Variants in TARS3 observed in about 807,000 individuals in gnomAD.
TARS3 encodes the protein threonyl-tRNA synthetase 3, also known as threonine--tRNA ligase 2, cytoplasmic.
A neutral mutation model predicts 103.5 loss-of-function variants in TARS3; 94 were observed. That is an observed-to-expected ratio of 0.91 (90% CI 0.77 to 1.08). The LOEUF is 1.08. Ranked by LOEUF, TARS3 falls within the 50% of genes least tolerant of loss-of-function variation. The probability of loss-of-function intolerance (pLI) is 0.00; values close to 1 mark genes in which losing one functional copy is unlikely to be tolerated. For synonymous variants in TARS3, 416 were observed against 355.4 expected, an observed-to-expected ratio of 1.17 and a Z score of -1.92; for missense variants, 952 against 995.2, an observed-to-expected ratio of 0.96 and a Z score of 0.58.
chr15:101,700,367 G>A (rs1286379658), intron 10 of TARS3, among the ~76,000 whole-genome samples: 1 of 152,188 alleles, frequency 6.6e-6, no homozygotes, highest in African/African-American at 2.4e-5. Flanking sequence ...AATCACCTGG[G>A]AGTCATGCTA....
chr15:101,715,285 T>C (rs1332611704), intron 3 of TARS3, among the ~76,000 whole-genome samples: 4 of 150,480 alleles, frequency 2.7e-5, no homozygotes, highest in South Asian at 2.1e-4. Flanking sequence ...TAGCTGGGAC[T>C]ACAGGCGCCC....
chr15:101,655,898 T>G, intron 18 of TARS3: 1 of 1,288,930 alleles, frequency 7.8e-7, no homozygotes, highest in Non-Finnish European at 1.0e-6. Flanking sequence ...ACCAGACCCA[T>G]GCGAGCCAGC....
chr15:101,716,205 TG>T (rs1189254017), intron 3 of TARS3, among the ~76,000 whole-genome samples: 1 of 152,158 alleles, frequency 6.6e-6, no homozygotes, highest in Admixed American at 6.5e-5. Context: ...TTAGTAGAGA[TG>T]GGGTTTCACC....
intron 10 of TARS3, chr15:101,699,330 C>T: frequency 2.2e-6 from 1 of 452,360 alleles, no homozygotes; most frequent in Admixed American, 2.4e-5. Flanking sequence ...AGTGCCCTTA[C>T]CTTAGAATAA....
Position 101,724,134 on chromosome 15 carries a change from A to G in TARS3, c.254T>C (p.Leu85Pro). The G allele has an allele frequency of 7.0e-7, 1 of 1,438,820 alleles. No homozygotes were observed. Among genetic ancestry groups the G allele is most frequent in the Non-Finnish European group, 9.1e-7 (1 of 1,096,214 alleles). The allele number at this position is 1,438,820 out of a possible 1,614,324, so 89.1% of individuals were successfully genotyped here. ...LAEERSRQAT[L>P]ESAELEAAQE... ...CGCCGCCTCTAGCTCCGCGCTCTCC[A>G]GCGTGGCCTGGCGGCTCCGCTCCTC... Residue 85 changes from leucine to proline, a missense_variant, in exon 1 of 19, where the codon CTG becomes CCG. Around this residue, in one of 2 missense-constraint regions of TARS3, gnomAD observed 412 missense variants for 364.2 expected, o/e 1.13. Transcript: ENST00000335968.
intron 10 of TARS3, among the ~76,000 whole-genome samples, chr15:101,692,304 C>T (rs1056937667): frequency 1.3e-5 from 2 of 149,330 alleles, no homozygotes; most frequent in Non-Finnish European, 3.0e-5. Flanking sequence ...TATTACTACT[C>T]CATCTCCTCA....
chr15:101,654,807 G>A, intron 18 of TARS3, 77 bp from the exon 19 acceptor site: 1 of 1,397,758 alleles, frequency 7.2e-7, no homozygotes, highest in Non-Finnish European at 9.8e-7. Context: ...CCCATGACAT[G>A]TTTTTATCAA....
At chr15:101,685,745 A>G (rs1267093917) in intron 11 of TARS3, 151 bp downstream of exon 11, 5 of 559,694 alleles carry the variant, frequency 8.9e-6, no homozygotes, top group South Asian at 5.1e-5. Flanking sequence ...AAGTAAATCC[A>G]TTCTCCGGAA....
At chr15:101,722,409 G>A (rs556907172) in intron 2 of TARS3, among the ~76,000 whole-genome samples, 1 of 150,220 alleles carries the variant, frequency 6.7e-6, no homozygotes, top group African/African-American at 2.5e-5. Flanking sequence ...TTGGGCCTAG[G>A]TATTCCTTCT....
chr15:101,710,902 G>A (rs147729429), intron 5 of TARS3, among the ~76,000 whole-genome samples: 72 of 152,278 alleles, frequency 4.7e-4, no homozygotes, highest in African/African-American at 1.6e-3. Context: ...GTGGTGAAGA[G>A]GAGGGAGGAA....
intron 4 of TARS3, 175 bp downstream of exon 4, chr15:101,714,665 C>A (rs889889069): frequency 1.6e-5 from 4 of 245,670 alleles, no homozygotes; most frequent in South Asian, 1.6e-4. Context: ...TAAAAACTGA[C>A]ATGTATTTGT....
At chr15:101,671,384 T>C (rs997178330) in intron 15 of TARS3, 102 bp downstream of exon 15, 2 of 843,554 alleles carry the variant, frequency 2.4e-6, no homozygotes, top group African/African-American at 1.7e-5. Context: ...GTATAGCACA[T>C]ATACTAGACA....
intron 15 of TARS3, among the ~76,000 whole-genome samples, chr15:101,662,428 T>C (rs1005456622): frequency 1.3e-5 from 2 of 152,126 alleles, no homozygotes; most frequent in Admixed American, 1.3e-4. Context: ...TAAATTTTTA[T>C]CTAAAAATTA....
chr15:101,706,224 G>A (rs976645476), intron 6 of TARS3, among the ~76,000 whole-genome samples: 1 of 152,176 alleles, frequency 6.6e-6, no homozygotes, highest in African/African-American at 2.4e-5. Flanking sequence ...CTGACCTCTA[G>A]TGATCCGCCT....
At chr15:101,697,744 C>G (rs972986720) in intron 10 of TARS3, among the ~76,000 whole-genome samples, 1 of 152,072 alleles carries the variant, frequency 6.6e-6, no homozygotes, top group Non-Finnish European at 1.5e-5. Flanking sequence ...TGTAAGTGCA[C>G]CTAGTAAGGC....
chr15:101,716,411 G>C (rs1235232000), intron 3 of TARS3, among the ~76,000 whole-genome samples: 1 of 151,670 alleles, frequency 6.6e-6, no homozygotes, highest in Non-Finnish European at 1.5e-5. Flanking sequence ...TTGATGTTTT[G>C]TTTATATCTT....
rs1255762032 is a variant in TARS3, at chr15:101,724,142, C to A, written c.246G>T (p.Gln82His). 4.0e-5 allele frequency: 58 copies of A among 1,449,610 alleles called. No individual in the cohort carries two copies. The highest frequency in any genetic ancestry group is 2.2e-4 in the Middle Eastern group (1 of 4,650). 89.8% of individuals were successfully genotyped at this position (1,449,610 alleles called of 1,614,324 possible). A position where few individuals can be genotyped will look rare whatever the true frequency, so the allele number is the denominator to read the frequency against. The change falls in exon 1 of 19, where the codon CAG becomes CAT. Residue 82 changes from glutamine (Q) to histidine (H), a missense_variant. Coordinates refer to ENST00000335968, the MANE Select transcript of TARS3 (RefSeq NM_152334.3). ...CTAGCTCCGCGCTCTCCAGCGTGGC[C>A]TGGCGGCTCCGCTCCTCGGCGAGGC... ...RLCLAEERSR[Q>H]ATLESAELEA...
At chr15:101,685,403 A>G (rs1898425962) in intron 11 of TARS3, among the ~76,000 whole-genome samples, 1 of 152,192 alleles carries the variant, frequency 6.6e-6, no homozygotes, top group African/African-American at 2.4e-5. Flanking sequence ...CCTATTAATT[A>G]AATTATGATA....
At chr15:101,722,835 A>C (rs934062279) in intron 2 of TARS3, among the ~76,000 whole-genome samples, 10 of 151,636 alleles carry the variant, frequency 6.6e-5, no homozygotes, top group African/African-American at 9.7e-5. Context: ...ACAAAAAAAA[A>C]CCAACCAAAC....
Sources: gnomAD v4.1 joint callset for allele counts (sites outside exome capture counted in the v4.1 genomes callset) on GRCh38, gnomAD v4.1.1 for gene constraint, gnomAD v4.1.1 regional missense constraint, MANE v1.5 for transcripts, NCBI Gene and HGNC (gene_info 2026-07-23, HGNC 2026-07-21) for gene names.